Variants in SYT14 observed in about 807,000 individuals in gnomAD.
SYT14 encodes synaptotagmin 14.
A neutral mutation model predicts 74.2 loss-of-function variants in SYT14; 32 were observed. The ratio of observed to expected loss-of-function variants is 0.43; its 90% CI spans 0.33 to 0.58. The LOEUF (loss-of-function observed/expected upper bound fraction) is 0.58, where lower values mean the gene tolerates loss of function less well. SYT14 is among the 20% of genes least tolerant of loss of function. The pLI, the probability that SYT14 is intolerant of heterozygous loss-of-function variation, is 0.05. For missense variants in SYT14, 791 were observed against 981.8 expected (o/e 0.81, Z 2.60); for synonymous variants, 298 against 337.7 (o/e 0.88, Z 1.29).
intron 7 of SYT14, among the ~76,000 whole-genome samples, chr1:210,120,072 A>G (rs961731056): frequency 5.9e-5 from 9 of 152,038 alleles, no homozygotes; most frequent in African/African-American, 1.7e-4. Context: ...TACCTTAGCT[A>G]TTTACCATGT....
chr1:210,144,452 A>G (rs139680167), intron 7 of SYT14, among the ~76,000 whole-genome samples: 290 of 152,262 alleles, frequency 1.9e-3, no homozygotes, highest in Non-Finnish European at 3.2e-3. Flanking sequence ...CGGTCCTGTA[A>G]CAGACCCCCG....
intron 5 of SYT14, among the ~76,000 whole-genome samples, chr1:210,075,591 C>G (rs1289356980): frequency 3.3e-5 from 5 of 152,104 alleles, no homozygotes; most frequent in Non-Finnish European, 5.9e-5. Flanking sequence ...CCTCGGCCTC[C>G]CAAAGTGCTG....
At chr1:210,171,258 G>T (rs1290091354) in exon 10 of SYT14, 1 of 152,082 alleles carries the variant, frequency 6.6e-6, no homozygotes, top group East Asian at 1.9e-4. Context: ...ATATGAAAAA[G>T]AATTTAAACG....
rs1052195972 is a variant in SYT14, at chr1:210,157,661, G to C, written c.2224+1751G>C. Reference sequence around the variant, plus strand: ...GGAGGCTGAGGCAAGAGAATCACTTGAACCCAGGTGGCGGAGGTTGCAGTG... The same window carrying C: ...GGAGGCTGAGGCAAGAGAATCACTTCAACCCAGGTGGCGGAGGTTGCAGTG... On this transcript the variant is annotated intron_variant, in intron 8 of 9. Coordinates refer to ENST00000637265, the Ensembl canonical transcript of SYT14. 1.1e-4 allele frequency among the ~76,000 whole-genome samples: 17 copies of C among 152,118 alleles called. No homozygotes were observed. The East Asian group carries it at 2.9e-3, about 26-fold the overall frequency.
At chr1:210,144,629 A>T (rs2082992505) in intron 7 of SYT14, among the ~76,000 whole-genome samples, 1 of 152,102 alleles carries the variant, frequency 6.6e-6, no homozygotes, top group South Asian at 2.1e-4. Flanking sequence ...GAAAACCAAT[A>T]GTCTATGGAT....
At chr1:210,156,016 A>AG in intron 8 of SYT14, 106 bp downstream of exon 7, 1 of 1,010,606 alleles carries the variant, frequency 9.9e-7, no homozygotes, top group South Asian at 1.4e-5. Context: ...TCAAAATGAA[A>AG]TGGTGTAATC....
In SYT14 at chr1:210,000,466, G is replaced by GCGCGCA. The variant is rs1553264180; in HGVS notation, c.-485-13166_-485-13165insGCGCAC. ...TTATTTTAGTCCTTTGTCCTCATAC[G>GCGCGCA]CACACACACACACACACACACACAC... On this transcript the variant is annotated intron_variant, in intron 2 of 9. Coordinates refer to ENST00000637265, the Ensembl canonical transcript of SYT14. Among the ~76,000 whole-genome samples the GCGCGCA allele has an allele frequency of 2.1e-4, 30 of 143,200 alleles. No homozygotes were observed. In the East Asian group the frequency reaches 4.7e-3, roughly 23 times the overall value. 93.9% of individuals were successfully genotyped at this position (143,200 alleles called of 152,430 possible).
At position 209,970,662 on chromosome 1, in the gene SYT14, C is replaced by CTTTTTTTTTTTTTTTTTTTTT. The variant is rs35639848; in HGVS notation, c.-486+17925_-486+17945dup. Among the ~76,000 whole-genome samples the CTTTTTTTTTTTTTTTTTTTTT allele has an allele frequency of 6.4e-5, 4 of 62,788 alleles. 2 individuals carry two copies. Among genetic ancestry groups the CTTTTTTTTTTTTTTTTTTTTT allele is most frequent in the African/African-American group, 1.3e-4 (2 of 15,104 alleles). 41.2% of individuals were successfully genotyped at this position (62,788 alleles called of 152,430 possible). ...TTACAGATTGCTTTGGGCAGTATGG[C>CTTTTTTTTTTTTTTTTTTTTT]TTTTTTTTTTTTTTTTTTTTTTTTT... On this transcript the variant is annotated intron_variant, in intron 2 of 9. Coordinates refer to ENST00000637265, the Ensembl canonical transcript of SYT14.
chr1:209,988,768 C>A (rs950270361), intron 2 of SYT14, among the ~76,000 whole-genome samples: 28 of 152,302 alleles, frequency 1.8e-4, no homozygotes, highest in South Asian at 4.2e-4. Flanking sequence ...TAAGATTTGG[C>A]ATGTCTTCCC....
chr1:210,105,033 G>A (rs543242460), intron 7 of SYT14, among the ~76,000 whole-genome samples: 3 of 151,880 alleles, frequency 2.0e-5, no homozygotes, highest in African/African-American at 7.2e-5. Flanking sequence ...TTTTTCTGTA[G>A]ACAAATGGTT....
At chr1:210,112,083 G>A (rs542039119) in intron 7 of SYT14, among the ~76,000 whole-genome samples, 6 of 151,350 alleles carry the variant, frequency 4.0e-5, no homozygotes, top group African/African-American at 1.5e-4. Context: ...CCAAACCAAG[G>A]AATTATGTCT....
intron 7 of SYT14, among the ~76,000 whole-genome samples, chr1:210,140,180 T>C (rs980457203): frequency 6.6e-6 from 1 of 152,210 alleles, no homozygotes; most frequent in Non-Finnish European, 1.5e-5. Flanking sequence ...TATCTTATTA[T>C]GGTTTTGATT....
chr1:210,128,620 C>T (rs1426585290), intron 7 of SYT14, among the ~76,000 whole-genome samples: 4 of 152,246 alleles, frequency 2.6e-5, no homozygotes, highest in Admixed American at 1.3e-4. Context: ...AGTGTTTGTT[C>T]TGAAACAGAT....
exon 10 of SYT14, chr1:210,160,957 GAGA>G (rs753373948): frequency 3.1e-6 from 5 of 1,613,890 alleles, no homozygotes; most frequent in Admixed American, 1.7e-5. Flanking sequence ...AACAGCTCTG[GAGA>G]AGAAGAACTC....
chr1:210,157,516 G>A (rs1031764511), intron 8 of SYT14, among the ~76,000 whole-genome samples: 2 of 151,672 alleles, frequency 1.3e-5, no homozygotes, highest in African/African-American at 4.8e-5. Context: ...GGCCGAGGCG[G>A]GTGGATCACG....
chr1:209,976,693 G>A (rs1227421445), intron 2 of SYT14, among the ~76,000 whole-genome samples: 1 of 152,182 alleles, frequency 6.6e-6, no homozygotes, highest in African/African-American at 2.4e-5. Context: ...GATTTGGGGT[G>A]GAGAGTTCTG....
At chr1:210,062,203 T>G (rs2081218498) in intron 5 of SYT14, among the ~76,000 whole-genome samples, 1 of 151,856 alleles carries the variant, frequency 6.6e-6, no homozygotes, top group Admixed American at 6.6e-5. Flanking sequence ...AAACATGTTC[T>G]GAATTTTAAG....
At chr1:210,100,307 T>A (rs748007738) in exon 7 of SYT14, 1 of 1,614,144 alleles carries the variant, frequency 6.2e-7, no homozygotes, top group Non-Finnish European at 8.5e-7. Flanking sequence ...GAATCTGAGA[T>A]GATTGGAAAT....
chr1:210,121,580 G>T (rs934368024), intron 7 of SYT14, among the ~76,000 whole-genome samples: 65 of 152,234 alleles, frequency 4.3e-4, no homozygotes, highest in Middle Eastern at 6.8e-3. Context: ...GGATCACAAG[G>T]TCAGGAGATT....
Sources: gnomAD v4.1 joint callset for allele counts (sites outside exome capture counted in the v4.1 genomes callset) on GRCh38, gnomAD v4.1.1 for gene constraint, MANE v1.5 for transcripts, NCBI Gene and HGNC (gene_info 2026-07-23, HGNC 2026-07-21) for gene names.